The following ME3 variants were observed in gnomAD, a reference collection of about 807,000 sequenced individuals.
ME3 encodes NADP-dependent malic enzyme, mitochondrial.
In ME3, 48 loss-of-function variants were observed where a neutral mutation model predicts 68.9. That is an observed-to-expected ratio of 0.70 (90% CI 0.55 to 0.89). ME3 has a LOEUF of 0.89. Among genes scored for constraint, ME3 ranks in the 40% least tolerant of loss-of-function variants. ME3 has a pLI of 0.00. For synonymous variants in ME3, 320 were observed against 318.8 expected, an observed-to-expected ratio of 1.00 and a Z score of -0.04; for missense variants, 675 against 797.4, an observed-to-expected ratio of 0.85 and a Z score of 1.85.
chr11:86,541,306 T>A (rs1956032082), intron 4 of ME3, among the ~76,000 whole-genome samples: 1 of 152,008 alleles, frequency 6.6e-6, no homozygotes, highest in South Asian at 2.1e-4. Flanking sequence ...AACCGTTCAC[T>A]TGCCTGGAAA....
intron 7 of ME3, among the ~76,000 whole-genome samples, chr11:86,467,027 C>T (rs773547314): frequency 1.3e-5 from 2 of 152,188 alleles, no homozygotes; most frequent in Admixed American, 6.5e-5. Context: ...CCCAGCTTTA[C>T]TGAGGCATAA....
intron 8 of ME3, among the ~76,000 whole-genome samples, chr11:86,456,318 G>T (rs117752667): frequency 6.6e-6 from 1 of 152,174 alleles, no homozygotes; most frequent in Non-Finnish European, 1.5e-5. Context: ...AGATGATCCC[G>T]CAGACACTAC....
intron 2 of ME3, among the ~76,000 whole-genome samples, chr11:86,655,311 C>G (rs1264245192): frequency 6.6e-6 from 1 of 152,106 alleles, no homozygotes; most frequent in Non-Finnish European, 1.5e-5. Context: ...GCCAAAAGAA[C>G]AAAGCTGGAG....
intron 7 of ME3, among the ~76,000 whole-genome samples, chr11:86,472,690 T>G (rs954366721): frequency 2.0e-5 from 3 of 152,154 alleles, no homozygotes; most frequent in African/African-American, 7.2e-5. Flanking sequence ...TAATAATACC[T>G]CTCTTGCAGT....
intron 7 of ME3, among the ~76,000 whole-genome samples, chr11:86,484,841 G>A (rs1332843946): frequency 6.6e-6 from 1 of 152,202 alleles, no homozygotes; most frequent in Non-Finnish European, 1.5e-5. Context: ...GGTACTGTGT[G>A]ACCTGAGATA....
At position 86,470,741 on chromosome 11, in the gene ME3, C is replaced by T. The variant is rs181808211; in HGVS notation, c.810-5541G>A. On this transcript the variant is annotated intron_variant, in intron 7 of 14. Coordinates refer to ENST00000543262, the Ensembl canonical transcript of ME3. ...CAGGGGGTGCTGGGTGGATTCAGGG[C>T]GAGGCCATCTCTCCCCAGGATTACT... 3.3e-3 allele frequency among the ~76,000 whole-genome samples: 506 copies of T among 152,260 alleles called. 4 individuals carry two copies. The highest frequency in any genetic ancestry group is 0.012 in the African/African-American group (486 of 41,552).
At chr11:86,519,598 G>A (rs114350716) in intron 4 of ME3, among the ~76,000 whole-genome samples, 1 of 152,192 alleles carries the variant, frequency 6.6e-6, no homozygotes, top group Admixed American at 6.5e-5. Flanking sequence ...GGAGGGATAT[G>A]CACTTTCAAC....
Position 86,580,815 on chromosome 11 carries a change from G to T in ME3, c.184-20992C>A, listed in dbSNP as rs114003368. ...TTTTTTTGCACAAATTTTAAGCATTGCATTCTTTGTTGTGATTTTGGACAT... is the reference window on the plus strand; with the variant it reads ...TTTTTTTGCACAAATTTTAAGCATTTCATTCTTTGTTGTGATTTTGGACAT... On this transcript the variant is annotated intron_variant, in intron 2 of 14. Transcript: ENST00000543262. 3.9e-3 allele frequency among the ~76,000 whole-genome samples: 588 copies of T among 152,260 alleles called. 2 individuals carry two copies. Among genetic ancestry groups the T allele is most frequent in the African/African-American group, 0.014 (566 of 41,556 alleles).
intron 2 of ME3, among the ~76,000 whole-genome samples, chr11:86,637,711 T>A (rs866070304): frequency 1.3e-4 from 20 of 152,048 alleles, no homozygotes; most frequent in Middle Eastern, 3.2e-3. Flanking sequence ...AGGAAACTTT[T>A]TAAGAAGGGG....
intron 2 of ME3, among the ~76,000 whole-genome samples, chr11:86,561,029 G>T (rs949162680): frequency 1.3e-5 from 2 of 151,822 alleles, no homozygotes; most frequent in Non-Finnish European, 2.9e-5. Context: ...CAGACCAGGG[G>T]TACATATAAT....
At chr11:86,524,475 C>T (rs1263006799) in intron 4 of ME3, among the ~76,000 whole-genome samples, 1 of 152,188 alleles carries the variant, frequency 6.6e-6, no homozygotes, top group African/African-American at 2.4e-5. Context: ...GCTCAGAACC[C>T]TGTGAAGATA....
chr11:86,543,738 CA>C (rs1282382633), intron 4 of ME3, among the ~76,000 whole-genome samples: 1 of 152,156 alleles, frequency 6.6e-6, no homozygotes, highest in East Asian at 1.9e-4. Context: ...CAGCATTAGA[CA>C]GATCAATGAG....
intron 2 of ME3, among the ~76,000 whole-genome samples, chr11:86,636,677 G>C (rs1346580232): frequency 6.6e-6 from 1 of 152,226 alleles, no homozygotes; most frequent in African/African-American, 2.4e-5. Context: ...AATCGGAGCT[G>C]CATTTGTACT....
chr11:86,621,131 AC>A (rs1282140181), intron 2 of ME3, among the ~76,000 whole-genome samples: 33 of 152,270 alleles, frequency 2.2e-4, no homozygotes, highest in Admixed American at 1.0e-3. Context: ...GAAAATTAAA[AC>A]CCACCTATTC....
intron 2 of ME3, among the ~76,000 whole-genome samples, chr11:86,576,024 CA>C (rs1421186495): frequency 6.6e-6 from 1 of 152,170 alleles, no homozygotes; most frequent in Non-Finnish European, 1.5e-5. Flanking sequence ...AACTCTTGAA[CA>C]GAAGTTTGCT....
intron 2 of ME3, among the ~76,000 whole-genome samples, chr11:86,599,917 C>T (rs1422640978): frequency 6.6e-6 from 1 of 152,044 alleles, no homozygotes; most frequent in Non-Finnish European, 1.5e-5. Flanking sequence ...TTGTCACCAC[C>T]AAGCCTGCCC....
intron 2 of ME3, among the ~76,000 whole-genome samples, chr11:86,590,998 C>T (rs1360875440): frequency 2.6e-5 from 4 of 152,138 alleles, no homozygotes; most frequent in Non-Finnish European, 4.4e-5. Flanking sequence ...AGATACTATT[C>T]CTTCTTGTGT....
intron 4 of ME3, among the ~76,000 whole-genome samples, chr11:86,534,126 TG>T (rs1955482154): frequency 1.3e-5 from 2 of 151,144 alleles, no homozygotes; most frequent in Admixed American, 1.3e-4. Flanking sequence ...ATGGTGCACC[TG>T]TATAGGACAC....
chr11:86,666,187 C>CTAA (rs1199515208), intron 2 of ME3, among the ~76,000 whole-genome samples: 1 of 152,190 alleles, frequency 6.6e-6, no homozygotes, highest in Non-Finnish European at 1.5e-5. Flanking sequence ...CTAAATGTAG[C>CTAA]ATATGACCAA....
Sources: allele counts gnomAD v4.1 joint callset (sites outside exome capture counted in the v4.1 genomes callset), GRCh38; gene constraint gnomAD v4.1.1; transcripts MANE v1.5; gene names NCBI Gene and HGNC (gene_info 2026-07-23, HGNC 2026-07-21).